SKOR1: variants seen among roughly 807,000 people sequenced by gnomAD.
SKOR1 encodes LBX1 corepressor 1.
SKOR1 carries 38 observed loss-of-function variants against 72.4 expected under a neutral mutation model. The ratio of observed to expected loss-of-function variants is 0.52; its 90% CI spans 0.40 to 0.69. SKOR1 has a LOEUF of 0.69. Among genes scored for constraint, SKOR1 ranks in the 30% least tolerant of loss-of-function variants. The pLI, the probability that SKOR1 is intolerant of heterozygous loss-of-function variation, is 0.00. For missense variants in SKOR1, 1,320 were observed against 1,343.2 expected (o/e 0.98, Z 0.27); for synonymous variants, 642 against 599.4 (o/e 1.07, Z -1.04).
chr15:67,833,958 C>A lies in SKOR1; in HGVS notation c.*122C>A. 1 of 1,083,586 alleles carries A rather than the reference C, an allele frequency of 9.2e-7. No homozygotes were observed. Among genetic ancestry groups the A allele is most frequent in the Non-Finnish European group, 1.4e-6 (1 of 730,618 alleles). 67.1% of individuals were successfully genotyped at this position (1,083,586 alleles called of 1,614,324 possible). A position where few individuals can be genotyped will look rare whatever the true frequency, so the allele number is the denominator to read the frequency against. ...CCCGACCGATGTAAATACAGCCGCC[C>A]GTCCGCCCGCCTTCCTCCCGGGCTC... On this transcript the variant is annotated 3_prime_UTR_variant, in exon 9 of 9. Coordinates refer to ENST00000380035, the MANE Select transcript of SKOR1 (RefSeq NM_001365915.1). This position sits in a 1 kb window ranked among gnomAD's most constrained non-coding sequence, Gnocchi z 6.0.
At position 67,832,723 on chromosome 15, in the gene SKOR1, G is replaced by A. The variant is rs771264583; in HGVS notation, c.2737+42G>A. On this transcript the variant is annotated intron_variant, in intron 7 of 8. Coordinates refer to ENST00000380035, the MANE Select transcript of SKOR1 (RefSeq NM_001365915.1). This position sits in a 1 kb window ranked among gnomAD's most constrained non-coding sequence, Gnocchi z 4.5. The stretch of plus-strand genomic sequence containing the variant: ...GTGAGCTCGTGCACGGGCCGTAACT[G>A]CCTCTCGTCTGGCAGGAGCCGCAAT... 6 of 1,537,642 alleles carry A rather than the reference G, an allele frequency of 3.9e-6. No individual in the cohort carries two copies. The African/African-American group carries it at 4.1e-5, about 10-fold the overall frequency.
chr15:67,827,872 G>T lies in SKOR1; in HGVS notation c.2044G>T (p.Ala682Ser), dbSNP rs745379221. The change falls in exon 2 of 9, where the codon GCA (alanine) becomes TCA (serine). Residue 682 changes from alanine to serine, a missense_variant. Coordinates refer to ENST00000380035, the MANE Select transcript of SKOR1 (RefSeq NM_001365915.1). ...EDAQEETEPS[A>S]PSAGGGPDGE... is the part of the protein sequence containing the mutation. ...CGCCCAAGAGGAGACCGAGCCCAGC[G>T]CACCCAGCGCAGGGGGCGGCCCAGA... The T allele has an allele frequency of 6.2e-7, 1 of 1,600,904 alleles. No homozygotes were observed. The highest frequency in any genetic ancestry group is 1.1e-5 in the South Asian group (1 of 89,064).
Position 67,826,415 on chromosome 15 carries a change from T to C in SKOR1, c.587T>C (p.Ile196Thr). 1 of 1,614,018 alleles carries C rather than the reference T, an allele frequency of 6.2e-7. No individual in the cohort carries two copies. The highest frequency in any genetic ancestry group is 8.5e-7 in the Non-Finnish European group (1 of 1,180,018). The change falls in exon 2 of 9, where the codon ATC (isoleucine) becomes ACC (threonine). Residue 196 changes from isoleucine to threonine, a missense_variant. By Grantham distance (89) the Ile-to-Thr change is moderately conservative (BLOSUM62 -1). Coordinates refer to ENST00000380035, the MANE Select transcript of SKOR1 (RefSeq NM_001365915.1). ...ECAWGSRGSF[I>T]PARYNSSRAK... ...GCGTGGGGCTCGCGTGGTAGCTTCA[T>C]CCCTGCGCGTTACAACAGCTCTCGT...
chr15:67,829,641 C>T (rs2090992859), intron 3 of SKOR1, among the ~76,000 whole-genome samples: 1 of 152,226 alleles, frequency 6.6e-6, no homozygotes, highest in African/African-American at 2.4e-5. Flanking sequence ...GATGGGGGCA[C>T]ATGGCCGCGC....
At chr15:67,828,504 G>A (rs2090983547) in intron 2 of SKOR1, among the ~76,000 whole-genome samples, 1 of 152,218 alleles carries the variant, frequency 6.6e-6, no homozygotes, top group South Asian at 2.1e-4. Context: ...CCAGAGAAAA[G>A]CGCTCGCCCG....
Position 67,833,334 on chromosome 15 carries a change from G to A in SKOR1, c.2803+77G>A. The A allele has an allele frequency of 6.9e-7, 1 of 1,451,312 alleles. No individual in the cohort carries two copies. The highest frequency in any genetic ancestry group is 1.7e-5 in the Admixed American group (1 of 57,676). 89.9% of individuals were successfully genotyped at this position (1,451,312 alleles called of 1,614,324 possible). A position where few individuals can be genotyped will look rare whatever the true frequency, so the allele number is the denominator to read the frequency against. ...TGTCGACTGAATGAATGAATAGTGGGACTAGTGAGGAAGGCCACGATCCAC... is the reference window on the plus strand; with the variant it reads ...TGTCGACTGAATGAATGAATAGTGGAACTAGTGAGGAAGGCCACGATCCAC... On this transcript the variant is annotated intron_variant, in intron 8 of 8. Transcript: ENST00000380035. The surrounding 1 kb of genome is among the most constrained non-coding windows in gnomAD (Gnocchi z 6.0).
chr15:67,825,840 C>T lies in SKOR1; in HGVS notation c.108-96C>T, dbSNP rs1373562382. 6.6e-7 allele frequency: 1 copy of T among 1,515,556 alleles called. No individual in the cohort carries two copies. The allele number at this position is 1,515,556 out of a possible 1,614,324, so 93.9% of individuals were successfully genotyped here. On this transcript the variant is annotated intron_variant, in intron 1 of 8. Coordinates refer to ENST00000380035, the MANE Select transcript of SKOR1 (RefSeq NM_001365915.1). The surrounding 1 kb of genome is among the most constrained non-coding windows in gnomAD (Gnocchi z 5.6). The stretch of plus-strand genomic sequence containing the variant: ...GGACTCCCCACTGCCAAGTATCCCC[C>T]GCGCGCCCAACTCGGAGCGCCCTGC...
At position 67,830,330 on chromosome 15, in the gene SKOR1, C is replaced by T. The variant is rs745649467; in HGVS notation, c.2515+32C>T. ...CAGCCCTTGAACCCATCGCTCTCCACCGCACCCAGGAGCTGGGACCCAGGT... is the reference window on the plus strand; with the variant it reads ...CAGCCCTTGAACCCATCGCTCTCCATCGCACCCAGGAGCTGGGACCCAGGT... On this transcript the variant is annotated intron_variant, in intron 4 of 8. Coordinates refer to ENST00000380035, the MANE Select transcript of SKOR1 (RefSeq NM_001365915.1). The T allele has an allele frequency of 2.5e-6, 4 of 1,602,436 alleles. No individual in the cohort carries two copies. The East Asian group carries it at 8.9e-5, about 36-fold the overall frequency.
intron 5 of SKOR1, among the ~76,000 whole-genome samples, chr15:67,831,531 G>T (rs1246709839): frequency 1.3e-5 from 2 of 152,004 alleles, no homozygotes. Flanking sequence ...CCTGGAGGAG[G>T]GCCCAGATAC....
rs746603826 is a variant in SKOR1 at position 67,830,816 on chromosome 15, A to G, written c.2516-2A>G. The G allele has an allele frequency of 6.2e-7, 1 of 1,614,156 alleles. No individual in the cohort carries two copies. Among genetic ancestry groups the G allele is most frequent in the Non-Finnish European group, 8.5e-7 (1 of 1,180,002 alleles). ...CCCCTCTTACCTGCCCCTGTATCCC[A>G]GGCGAAGATGGGCTTACCTTGGATG... On this transcript the variant is annotated splice_acceptor_variant, in intron 4 of 8. Transcript: ENST00000380035. LOFTEE classifies it high-confidence loss of function.
In SKOR1 at chr15:67,826,705, G is replaced by T. The variant is rs1189045066; in HGVS notation, c.877G>T (p.Gly293Trp). The T allele has an allele frequency of 1.9e-6, 3 of 1,552,614 alleles. No homozygotes were observed. Among genetic ancestry groups the T allele is most frequent in the South Asian group, 2.3e-5 (2 of 85,512 alleles). ...AGGCGGCGGAGGCGGTGCCAATGGC[G>T]GGTCGGGTGGGCAGGGGAAGGGTGG... ...QGGGGGGANG[G>W]SGGQGKGGAG... Residue 293 changes from glycine to tryptophan, a missense_variant, in exon 2 of 9, where the codon GGG becomes TGG. By Grantham distance (184) the Gly-to-Trp change is radical. Around this residue, in one of 3 missense-constraint regions of SKOR1, gnomAD observed 1,099 missense variants for 1,025.5 expected, o/e 1.07. Coordinates refer to ENST00000380035, the MANE Select transcript of SKOR1 (RefSeq NM_001365915.1).
rs2091018703 is a variant in SKOR1 at position 67,832,744 on chromosome 15, G to T, written c.2737+63G>T. ...AACTGCCTCTCGTCTGGCAGGAGCC[G>T]CAATGTTGGCTCAGTCATTTGGATT... On this transcript the variant is annotated intron_variant, in intron 7 of 8. Transcript: ENST00000380035. The surrounding 1 kb of genome is among the most constrained non-coding windows in gnomAD (Gnocchi z 4.5). The T allele has an allele frequency of 1.5e-6, 2 of 1,297,150 alleles. No homozygotes were observed. The highest frequency in any genetic ancestry group is 2.3e-5 in the East Asian group (1 of 43,280). The allele number at this position is 1,297,150 out of a possible 1,614,324, so 80.4% of individuals were successfully genotyped here. A position where few individuals can be genotyped will look rare whatever the true frequency, so the allele number is the denominator to read the frequency against.
Position 67,830,834 on chromosome 15 carries a change from C to G in SKOR1, c.2532C>G (p.Thr844=). The G allele has an allele frequency of 6.2e-7, 1 of 1,614,158 alleles. No homozygotes were observed. The change falls in exon 5 of 9, where the codon ACC becomes ACG. Residue 844 remains threonine, a synonymous_variant. Coordinates refer to ENST00000380035, the MANE Select transcript of SKOR1 (RefSeq NM_001365915.1). ...GTATCCCAGGCGAAGATGGGCTTAC[C>G]TTGGATGTCACAGGAACTCATTTGG... The part of the protein sequence containing the change: ...ANTDRGEDGL[T]LDVTGTHLVE...
Position 67,826,704 on chromosome 15 carries a change from C to A in SKOR1, c.876C>A (p.Gly292=), listed in dbSNP as rs746508508. Residue 292 remains glycine, a synonymous_variant, in exon 2 of 9, where the codon GGC becomes GGA. Coordinates refer to ENST00000380035, the MANE Select transcript of SKOR1 (RefSeq NM_001365915.1). ...LQGGGGGGAN[G]GSGGQGKGGA... is the part of the protein sequence containing the mutation. ...GAGGCGGCGGAGGCGGTGCCAATGG[C>A]GGGTCGGGTGGGCAGGGGAAGGGTG... 1.0e-6 allele frequency: 1 copy of A among 953,278 alleles called. No homozygotes were observed. Among genetic ancestry groups the A allele is most frequent in the Admixed American group, 2.0e-5 (1 of 50,190 alleles). 59.1% of individuals were successfully genotyped at this position (953,278 alleles called of 1,614,324 possible). A position where few individuals can be genotyped will look rare whatever the true frequency, so the allele number is the denominator to read the frequency against.
In SKOR1 at chr15:67,832,723, G is replaced by C. The variant is rs771264583; in HGVS notation, c.2737+42G>C. On this transcript the variant is annotated intron_variant, in intron 7 of 8. Transcript: ENST00000380035. This position sits in a 1 kb window ranked among gnomAD's most constrained non-coding sequence, Gnocchi z 4.5. ...GTGAGCTCGTGCACGGGCCGTAACT[G>C]CCTCTCGTCTGGCAGGAGCCGCAAT... 6 of 1,537,760 alleles carry C rather than the reference G, an allele frequency of 3.9e-6. No individual in the cohort carries two copies. The highest frequency in any genetic ancestry group is 2.2e-5 in the South Asian group (2 of 89,136).
intron 2 of SKOR1, among the ~76,000 whole-genome samples, chr15:67,828,444 C>G (rs2090983128): frequency 6.6e-6 from 1 of 152,060 alleles, no homozygotes; most frequent in African/African-American, 2.4e-5. Flanking sequence ...GACACAGAGA[C>G]AGAAAAGGGG....
rs374164977 is a variant in SKOR1 at position 67,825,978 on chromosome 15, G to T, written c.150G>T (p.Gly50=). The change falls in exon 2 of 9, where the codon GGG becomes GGT. Residue 50 remains glycine, a synonymous_variant. Transcript: ENST00000380035. The surrounding 1 kb of genome is among the most constrained non-coding windows in gnomAD (Gnocchi z 5.6). The part of the protein sequence containing the change: ...MEALTTQLGP[G]REGSSSPNSK... ...CTCTCACCACTCAGCTGGGGCCGGG[G>T]CGCGAGGGCAGTTCCTCGCCCAACT... The T allele has an allele frequency of 1.3e-6, 2 of 1,526,914 alleles. No individual in the cohort carries two copies. The highest frequency in any genetic ancestry group is 1.8e-6 in the Non-Finnish European group (2 of 1,137,738). The allele number at this position is 1,526,914 out of a possible 1,614,324, so 94.6% of individuals were successfully genotyped here.
At position 67,827,040 on chromosome 15, in the gene SKOR1, C is replaced by T. The variant is rs2090965209; in HGVS notation, c.1212C>T (p.Gly404=). The T allele has an allele frequency of 1.3e-6, 2 of 1,570,730 alleles. No homozygotes were observed. Among genetic ancestry groups the T allele is most frequent in the South Asian group, 1.1e-5 (1 of 88,976 alleles). ...CTTACGGCTTCCCTACGGCCTTCGG[C>T]CTATGCCCCAAAAAGGACGACCCGG... ...PHPYGFPTAF[G]LCPKKDDPVL... is the part of the protein sequence containing the mutation. Residue 404 remains glycine (G), a synonymous_variant, in exon 2 of 9, where the codon GGC becomes GGT. Transcript: ENST00000380035.
At position 67,833,988 on chromosome 15, in the gene SKOR1, G is replaced by A. The variant is rs1597021544; in HGVS notation, c.*152G>A. 1 of 837,800 alleles carries A rather than the reference G, an allele frequency of 1.2e-6. No homozygotes were observed. The highest frequency in any genetic ancestry group is 1.5e-5 in the South Asian group (1 of 67,446). 51.9% of individuals were successfully genotyped at this position (837,800 alleles called of 1,614,324 possible). ...GCCCGCCTTCCTCCCGGGCTCCCCG[G>A]CCTTGCCCGCCCCCTCCCGGGCGTC... On this transcript the variant is annotated 3_prime_UTR_variant, in exon 9 of 9. Transcript: ENST00000380035. The surrounding 1 kb of genome is among the most constrained non-coding windows in gnomAD (Gnocchi z 6.0).
Sources: gnomAD v4.1 joint callset for allele counts (sites outside exome capture counted in the v4.1 genomes callset) on GRCh38, gnomAD v4.1.1 for gene constraint, gnomAD v4.1.1 regional missense constraint, Gnocchi (gnomAD v3.1) non-coding constraint, MANE v1.5 for transcripts, NCBI Gene and HGNC (gene_info 2026-07-23, HGNC 2026-07-21) for gene names.